DKK2: variants seen among roughly 807,000 people sequenced by gnomAD.
DKK2 encodes the protein dickkopf-related protein 2.
Under a neutral mutation model 28.1 loss-of-function variants are expected in DKK2, and 11 were observed. The observed-to-expected ratio is 0.39, with a 90% CI of 0.25 to 0.65. The LOEUF is 0.65. DKK2 is among the 30% of genes least tolerant of loss of function. The probability of loss-of-function intolerance (pLI) is 0.47; values close to 1 mark genes in which losing one functional copy is unlikely to be tolerated. For synonymous variants in DKK2, 135 were observed against 126.5 expected, an observed-to-expected ratio of 1.07 and a Z score of -0.45; for missense variants, 326 against 335.5, an observed-to-expected ratio of 0.97 and a Z score of 0.22.
At chr4:106,988,031 A>AT in intron 1 of DKK2, among the ~76,000 whole-genome samples, 1 of 152,108 alleles carries the variant, frequency 6.6e-6, no homozygotes, top group Middle Eastern at 3.4e-3. Context: ...CGCCCGGCTA[A>AT]TTTTTTATAT....
intron 1 of DKK2, among the ~76,000 whole-genome samples, chr4:106,994,756 A>T (rs911780954): frequency 2.0e-5 from 3 of 152,312 alleles, no homozygotes; most frequent in Admixed American, 2.0e-4. Context: ...CCACTGGCCC[A>T]TATGGCCCCC....
intron 1 of DKK2, among the ~76,000 whole-genome samples, chr4:106,978,889 T>G (rs968063867): frequency 2.0e-5 from 3 of 152,002 alleles, no homozygotes; most frequent in African/African-American, 7.2e-5. Context: ...CCTGGTGGTG[T>G]AGGCACCCGA....
intron 1 of DKK2, among the ~76,000 whole-genome samples, chr4:107,002,749 C>G (rs548593648): frequency 6.6e-6 from 1 of 152,274 alleles, no homozygotes; most frequent in East Asian, 1.9e-4. Context: ...AAATAGTTAG[C>G]ATTACAGTAA....
At chr4:106,964,320 G>T (rs1052527048) in intron 1 of DKK2, among the ~76,000 whole-genome samples, 1 of 152,086 alleles carries the variant, frequency 6.6e-6, no homozygotes, top group Admixed American at 6.6e-5. Flanking sequence ...ACTCCTGGAG[G>T]TCGAAAGTAG....
intron 1 of DKK2, among the ~76,000 whole-genome samples, chr4:106,976,293 T>C (rs1722943564): frequency 6.6e-6 from 1 of 152,124 alleles, no homozygotes; most frequent in Admixed American, 6.6e-5. Context: ...CCTGAATATC[T>C]TTGTTAATTT....
At chr4:106,926,576 G>A (rs1434590756) in intron 1 of DKK2, among the ~76,000 whole-genome samples, 1 of 152,116 alleles carries the variant, frequency 6.6e-6, no homozygotes, top group Non-Finnish European at 1.5e-5. Flanking sequence ...CAGCAGTTGA[G>A]CTCCCAGCAG....
intron 1 of DKK2, among the ~76,000 whole-genome samples, chr4:106,974,897 T>C (rs1049093586): frequency 9.9e-5 from 15 of 152,212 alleles, no homozygotes; most frequent in Non-Finnish European, 1.9e-4. Flanking sequence ...ATAGCTCTTA[T>C]TATTTTGAGA....
intron 1 of DKK2, among the ~76,000 whole-genome samples, chr4:107,024,082 C>T (rs1019865646): frequency 1.3e-5 from 2 of 152,072 alleles, no homozygotes; most frequent in African/African-American, 4.8e-5. Flanking sequence ...ACCAATACAA[C>T]CTGGCTTTAC....
intron 1 of DKK2, among the ~76,000 whole-genome samples, chr4:106,996,991 A>C (rs1257371464): frequency 2.0e-5 from 3 of 152,124 alleles, no homozygotes; most frequent in Non-Finnish European, 2.9e-5. Flanking sequence ...GCAACTCTCA[A>C]ATGTTAAGGA....
chr4:107,028,695 G>C (rs767790989), intron 1 of DKK2, among the ~76,000 whole-genome samples: 2 of 152,134 alleles, frequency 1.3e-5, no homozygotes, highest in South Asian at 2.1e-4. Flanking sequence ...TTATCTGAAC[G>C]GCAGCTAGAA....
intron 1 of DKK2, among the ~76,000 whole-genome samples, chr4:106,938,454 A>C (rs1449588727): frequency 2.6e-5 from 4 of 152,218 alleles, no homozygotes; most frequent in Middle Eastern, 3.4e-3. Context: ...CAATAACAGG[A>C]TCTGAAATTG....
rs574717249 is a variant in DKK2 at position 106,979,103 on chromosome 4, G to A, written c.223-53154C>T. Among the ~76,000 whole-genome samples the A allele has an allele frequency of 2.6e-5, 4 of 151,430 alleles. No homozygotes were observed. In the East Asian group the frequency reaches 7.8e-4, roughly 29 times the overall value. On this transcript the variant is annotated intron_variant, in intron 1 of 3. Transcript: ENST00000285311. The stretch of plus-strand genomic sequence containing the variant: ...TTTTTTTTTCAGAATTTATAAAACT[G>A]TGAAGTTCTATTGCTAACTTCTCCA...
rs114346028 is a variant in DKK2 at position 107,016,394 on chromosome 4, T to G, written c.222+18976A>C. 1.8e-3 allele frequency among the ~76,000 whole-genome samples: 275 copies of G among 152,052 alleles called. 1 individual carries two copies. The highest frequency in any genetic ancestry group is 6.4e-3 in the African/African-American group (268 of 41,552). On this transcript the variant is annotated intron_variant, in intron 1 of 3. Coordinates refer to ENST00000285311, the MANE Select transcript of DKK2 (RefSeq NM_014421.3). ...TGACAGATTTGATTATTTAATTTGT[T>G]TCTAGAATACCAATTCTTTTTAATG...
intron 1 of DKK2, among the ~76,000 whole-genome samples, chr4:106,940,472 A>T (rs1265177395): frequency 6.6e-6 from 1 of 150,772 alleles, no homozygotes; most frequent in Non-Finnish European, 1.5e-5. Flanking sequence ...GGTGCTGGAG[A>T]GGATGTGGAG....
intron 1 of DKK2, among the ~76,000 whole-genome samples, chr4:107,014,405 A>G (rs781188839): frequency 2.0e-5 from 3 of 151,588 alleles, no homozygotes; most frequent in African/African-American, 7.3e-5. Flanking sequence ...CAAATGCTGT[A>G]TTATTTCACT....
At chr4:106,941,726 T>C (rs188414263) in intron 1 of DKK2, among the ~76,000 whole-genome samples, 1 of 152,260 alleles carries the variant, frequency 6.6e-6, no homozygotes, top group East Asian at 1.9e-4. Flanking sequence ...AGCATCCTGC[T>C]AGAAGTGTTG....
chr4:107,024,239 G>C (rs1235785272), intron 1 of DKK2, among the ~76,000 whole-genome samples: 1 of 151,874 alleles, frequency 6.6e-6, no homozygotes, highest in Non-Finnish European at 1.5e-5. Context: ...AAGGTGTTTT[G>C]AAAATATGTA....
chr4:106,938,554 C>A lies in DKK2; in HGVS notation c.223-12605G>T, dbSNP rs1419953505. 2.0e-5 allele frequency among the ~76,000 whole-genome samples: 3 copies of A among 151,384 alleles called. No homozygotes were observed. In the East Asian group the frequency reaches 5.8e-4, roughly 29 times the overall value. On this transcript the variant is annotated intron_variant, in intron 1 of 3. Transcript: ENST00000285311. ...CTACCAGAGGTAAAAGGAGGAAATT[C>A]CTTCTGAAACTATTCCAATCAATAG... is the stretch of plus-strand genomic sequence containing the variant.
intron 1 of DKK2, among the ~76,000 whole-genome samples, chr4:107,022,081 G>A (rs1229600822): frequency 1.3e-5 from 2 of 151,884 alleles, no homozygotes; most frequent in Non-Finnish European, 2.9e-5. Flanking sequence ...AGATAACTAA[G>A]AGATACAATA....
Sources: allele counts gnomAD v4.1 joint callset (sites outside exome capture counted in the v4.1 genomes callset), GRCh38; gene constraint gnomAD v4.1.1; transcripts MANE v1.5; gene names NCBI Gene and HGNC (gene_info 2026-07-23, HGNC 2026-07-21).